The following IRAG1 variants were observed in gnomAD, a reference collection of about 807,000 sequenced individuals.
The protein encoded by IRAG1 is IP3R-associated cGMP kinase substrate.
A neutral mutation model predicts 106.2 loss-of-function variants in IRAG1; 62 were observed. The ratio of observed to expected loss-of-function variants is 0.58; its 90% CI spans 0.48 to 0.72. The LOEUF is 0.72. Ranked by LOEUF, IRAG1 falls within the 30% of genes least tolerant of loss-of-function variation. IRAG1 has a pLI of 0.00. For missense variants in IRAG1, 1,064 were observed against 1,140.7 expected, an observed-to-expected ratio of 0.93 and a Z score of 0.97; for synonymous variants, 462 against 443.9, an observed-to-expected ratio of 1.04 and a Z score of -0.51.
intron 4 of IRAG1, among the ~76,000 whole-genome samples, chr11:10,630,944 G>A (rs1273836664): frequency 2.6e-5 from 4 of 152,208 alleles, no homozygotes; most frequent in Non-Finnish European, 4.4e-5. Context: ...GGATTGGCTC[G>A]GGGATGGCCA....
intron 1 of IRAG1, among the ~76,000 whole-genome samples, chr11:10,676,925 A>G (rs529789824): frequency 7.9e-5 from 12 of 152,278 alleles, no homozygotes; most frequent in African/African-American, 2.6e-4. Context: ...AGACGATGCC[A>G]CAGCTCATCT....
In IRAG1 at chr11:10,674,817, C is replaced by T. The variant is rs201378143; in HGVS notation, c.67+18719G>A. Among the ~76,000 whole-genome samples, 12 of 152,328 alleles carry T rather than the reference C, an allele frequency of 7.9e-5. No homozygotes were observed. In the East Asian group the frequency reaches 1.3e-3, roughly 17 times the overall value. On this transcript the variant is annotated intron_variant, in intron 1 of 20. Transcript: ENST00000423302. ...AACTCTGAGGAGGGAAGGCAAGGGA[C>T]GTTTCTGGATATCTCTTGCCCGGGT...
At chr11:10,595,313 T>C (rs1409537473) in intron 15 of IRAG1, among the ~76,000 whole-genome samples, 1 of 152,204 alleles carries the variant, frequency 6.6e-6, no homozygotes, top group Non-Finnish European at 1.5e-5. Context: ...TTTGTATTTA[T>C]TTCTACCATG....
chr11:10,603,378 G>T, intron 13 of IRAG1, 127 bp from the exon 14 acceptor site: 1 of 1,048,010 alleles, frequency 9.5e-7, no homozygotes, highest in Non-Finnish European at 1.4e-6. Context: ...TGGTGGGGGC[G>T]ATGGTTTGGG....
At chr11:10,633,296 C>G (rs1057501939) in intron 3 of IRAG1, among the ~76,000 whole-genome samples, 2 of 152,086 alleles carry the variant, frequency 1.3e-5, no homozygotes, top group African/African-American at 2.4e-5. Flanking sequence ...AGGATGGTCT[C>G]GATCTCCTGA....
intron 10 of IRAG1, among the ~76,000 whole-genome samples, chr11:10,613,156 T>C (rs1204932093): frequency 2.6e-5 from 4 of 152,018 alleles, no homozygotes; most frequent in Non-Finnish European, 5.9e-5. Flanking sequence ...AAAGGACATA[T>C]TCAAAGATAT....
At chr11:10,615,496 A>G (rs867226185) in intron 10 of IRAG1, among the ~76,000 whole-genome samples, 214 of 152,342 alleles carry the variant, frequency 1.4e-3, no homozygotes, top group African/African-American at 4.7e-3. Context: ...TGTTTATTGC[A>G]GCACTATTCA....
In IRAG1 at chr11:10,628,990, A is replaced by G. The variant is rs998528039; in HGVS notation, c.575-162T>C. 6.6e-6 allele frequency among the ~76,000 whole-genome samples: 1 copy of G among 151,898 alleles called. No individual in the cohort carries two copies. The highest frequency in any genetic ancestry group is 2.4e-5 in the African/African-American group (1 of 41,340). ...AATATGATGCTCCTGTTACAGCCCA[A>G]CCCCTCCCTGCTGCTGCTCAAGAGA... On this transcript the variant is annotated intron_variant, in intron 5 of 20. Coordinates refer to ENST00000423302, the MANE Select transcript of IRAG1 (RefSeq NM_130385.4). This position sits in a 1 kb window ranked among gnomAD's most constrained non-coding sequence, Gnocchi z 4.1.
In IRAG1 at chr11:10,628,011, T is replaced by C; in HGVS notation, c.667A>G (p.Ser223Gly). 6.2e-7 allele frequency: 1 copy of C among 1,613,368 alleles called. No homozygotes were observed. Among genetic ancestry groups the C allele is most frequent in the South Asian group, 1.1e-5 (1 of 91,022 alleles). The change falls in exon 7 of 21, where the codon AGT becomes GGT. Residue 223 changes from serine to glycine, a missense_variant. By Grantham distance (56) the Ser-to-Gly change is moderately conservative (BLOSUM62 0). Coordinates refer to ENST00000423302, the MANE Select transcript of IRAG1 (RefSeq NM_130385.4). The surrounding 1 kb of genome is among the most constrained non-coding windows in gnomAD (Gnocchi z 4.1). Reference sequence around the variant, plus strand: ...CCAGGCAGAGGGGATGGCGGGCCACTGCACACATCCAAACCTGGAAGGGTC... The same window carrying C: ...CCAGGCAGAGGGGATGGCGGGCCACCGCACACATCCAAACCTGGAAGGGTC... ...VPTPPGLDVCSGPPSPLPGAP... is the reference protein window; with the variant it reads ...VPTPPGLDVCGGPPSPLPGAP...
chr11:10,651,235 C>G (rs1470575002), intron 2 of IRAG1, among the ~76,000 whole-genome samples: 1 of 152,164 alleles, frequency 6.6e-6, no homozygotes, highest in East Asian at 1.9e-4. Context: ...GGATGATGCT[C>G]AAATAGGTTC....
rs1861152944 is a variant in IRAG1, at chr11:10,680,516, A to AAAGGAAGAAAGG, written c.67+13008_67+13019dup. Among the ~76,000 whole-genome samples the AAAGGAAGAAAGG allele has an allele frequency of 1.5e-5, 2 of 133,416 alleles. 1 individual carries two copies. The highest frequency in any genetic ancestry group is 4.8e-4 in the South Asian group (2 of 4,180). 87.5% of individuals were successfully genotyped at this position (133,416 alleles called of 152,430 possible). A position where few individuals can be genotyped will look rare whatever the true frequency, so the allele number is the denominator to read the frequency against. On this transcript the variant is annotated intron_variant, in intron 1 of 20. Coordinates refer to ENST00000423302, the MANE Select transcript of IRAG1 (RefSeq NM_130385.4). ...GAGAAAGAGAGAGAAAGGGAAAAAG[A>AAAGGAAGAAAGG]AAGGAAGAAAGGAAGGAAGGAAGGG... is the stretch of plus-strand genomic sequence containing the variant.
At chr11:10,576,719 G>T in intron 20 of IRAG1, 144 bp from the exon 21 acceptor site, 1 of 1,037,762 alleles carries the variant, frequency 9.6e-7, no homozygotes, top group Non-Finnish European at 1.4e-6. Flanking sequence ...TGGGTTGGCA[G>T]CAATTGTTCA....
At chr11:10,637,075 G>C (rs1045557134) in intron 2 of IRAG1, among the ~76,000 whole-genome samples, 2 of 152,210 alleles carry the variant, frequency 1.3e-5, no homozygotes, top group Non-Finnish European at 1.5e-5. Flanking sequence ...TTAGGCTTGA[G>C]AATAACTTAA....
intron 4 of IRAG1, among the ~76,000 whole-genome samples, chr11:10,631,605 C>T (rs1254704147): frequency 1.3e-5 from 2 of 152,208 alleles, no homozygotes; most frequent in Non-Finnish European, 2.9e-5. Flanking sequence ...CAGGGCAGAT[C>T]GTGAGCCACC....
At chr11:10,625,354 G>T (rs1007597235) in intron 9 of IRAG1, among the ~76,000 whole-genome samples, 2 of 152,120 alleles carry the variant, frequency 1.3e-5, no homozygotes, top group African/African-American at 4.8e-5. Context: ...ATCTCTGGAT[G>T]CCCCCAATCA....
In IRAG1 at chr11:10,576,527, C is replaced by T; in HGVS notation, c.2544G>A (p.Leu848=). The change falls in exon 21 of 21, where the codon CTG becomes CTA. Residue 848 remains leucine (L), a synonymous_variant. Coordinates refer to ENST00000423302, the MANE Select transcript of IRAG1 (RefSeq NM_130385.4). ...VHFLQVMYPK[L]CQHWQVIWMM... The stretch of plus-strand genomic sequence containing the variant: ...TCCAGATCACTTGCCAGTGCTGACA[C>T]AGTTTGGGATACATGACTTGTAAGA... 6.2e-7 allele frequency: 1 copy of T among 1,614,018 alleles called. No homozygotes were observed. Among genetic ancestry groups the T allele is most frequent in the Non-Finnish European group, 8.5e-7 (1 of 1,179,898 alleles).
intron 2 of IRAG1, among the ~76,000 whole-genome samples, chr11:10,635,456 G>A (rs1857077850): frequency 6.6e-6 from 1 of 152,186 alleles, no homozygotes; most frequent in Non-Finnish European, 1.5e-5. Flanking sequence ...TTTCCCTGGT[G>A]GGCCAAATCC....
intron 15 of IRAG1, among the ~76,000 whole-genome samples, chr11:10,597,067 C>G (rs1466748646): frequency 6.6e-6 from 1 of 152,214 alleles, no homozygotes; most frequent in Non-Finnish European, 1.5e-5. Flanking sequence ...TCAGATGTGA[C>G]ATGTCCTTCT....
chr11:10,641,244 C>T (rs1434628925), intron 2 of IRAG1, among the ~76,000 whole-genome samples: 2 of 152,242 alleles, frequency 1.3e-5, no homozygotes, highest in East Asian at 1.9e-4. Context: ...TGAGCAAATG[C>T]TCACTAAGCA....
Sources: gnomAD v4.1 joint callset for allele counts (sites outside exome capture counted in the v4.1 genomes callset) on GRCh38, gnomAD v4.1.1 for gene constraint, Gnocchi (gnomAD v3.1) non-coding constraint, MANE v1.5 for transcripts, NCBI Gene and HGNC (gene_info 2026-07-23, HGNC 2026-07-21) for gene names.